The following ADAMTSL1 variants were observed in gnomAD, a reference collection of about 807,000 sequenced individuals.
ADAMTSL1 encodes ADAMTS like 1.
Under a neutral mutation model 201.8 loss-of-function variants are expected in ADAMTSL1, and 126 were observed. The observed-to-expected ratio is 0.62, with a 90% confidence interval of 0.54 to 0.72. ADAMTSL1 has a LOEUF of 0.72. ADAMTSL1 is among the 30% of genes least tolerant of loss of function. The probability of loss-of-function intolerance (pLI) is 0.00; values close to 1 mark genes in which losing one functional copy is unlikely to be tolerated. For synonymous variants in ADAMTSL1, 1,121 were observed against 903.4 expected (o/e 1.24, Z -4.32); for missense variants, 2,679 against 2,277.8 (o/e 1.18, Z -3.59).
At chr9:18,106,290 A>T (rs1339155279) in intron 1 of ADAMTSL1, among the ~76,000 whole-genome samples, 2 of 152,212 alleles carry the variant, frequency 1.3e-5, no homozygotes, top group African/African-American at 2.4e-5. Flanking sequence ...ATACAATGCT[A>T]AACTGGGATT....
intron 19 of ADAMTSL1, among the ~76,000 whole-genome samples, chr9:18,792,328 G>C (rs991940272): frequency 6.6e-6 from 1 of 152,180 alleles, no homozygotes; most frequent in Non-Finnish European, 1.5e-5. Flanking sequence ...ACTTCAACTG[G>C]ATTTTAGAAG....
At chr9:18,154,963 G>A (rs1310798482) in intron 1 of ADAMTSL1, among the ~76,000 whole-genome samples, 1 of 152,006 alleles carries the variant, frequency 6.6e-6, no homozygotes, top group East Asian at 1.9e-4. Context: ...CAGAGACAAG[G>A]CCATGGAGTG....
At chr9:18,504,748 T>G in intron 1 of ADAMTSL1, 81 bp from the exon 2 acceptor site, 1 of 1,602,032 alleles carries the variant, frequency 6.2e-7, no homozygotes, top group East Asian at 2.2e-5. Context: ...TACACACACG[T>G]ACAGGCCAGT....
intron 2 of ADAMTSL1, among the ~76,000 whole-genome samples, chr9:18,242,264 A>G (rs745721619): frequency 1.3e-5 from 2 of 152,156 alleles, no homozygotes; most frequent in Non-Finnish European, 2.9e-5. Flanking sequence ...TAAAAACCAC[A>G]TGATTGTCTC....
chr9:18,232,178 C>A (rs1830668067), intron 2 of ADAMTSL1, among the ~76,000 whole-genome samples: 1 of 152,186 alleles, frequency 6.6e-6, no homozygotes, highest in South Asian at 2.1e-4. Context: ...CTCACTCACT[C>A]TGCTCTAGCC....
intron 2 of ADAMTSL1, among the ~76,000 whole-genome samples, chr9:18,320,858 G>C (rs1834589278): frequency 6.6e-6 from 1 of 151,966 alleles, no homozygotes; most frequent in African/African-American, 2.4e-5. Flanking sequence ...TAAGCCGTTA[G>C]AAAAATTAAG....
At chr9:18,548,631 C>A (rs977370422) in intron 3 of ADAMTSL1, among the ~76,000 whole-genome samples, 8 of 151,956 alleles carry the variant, frequency 5.3e-5, no homozygotes, top group Non-Finnish European at 1.2e-4. Context: ...GTATTTCTCC[C>A]TAAGTGCAAT....
intron 1 of ADAMTSL1, among the ~76,000 whole-genome samples, chr9:17,940,183 T>G (rs1183962062): frequency 6.6e-6 from 1 of 152,148 alleles, no homozygotes; most frequent in African/African-American, 2.4e-5. Flanking sequence ...TGCTTTTGTT[T>G]GCATGTGTGT....
At chr9:18,085,655 CTGTG>C (rs1295843360) in intron 1 of ADAMTSL1, among the ~76,000 whole-genome samples, 1 of 144,284 alleles carries the variant, frequency 6.9e-6, no homozygotes, top group African/African-American at 2.7e-5. Flanking sequence ...TACATATACT[CTGTG>C]TGTGTGTATA....
rs117511132 is a variant in ADAMTSL1 at position 18,829,636 on chromosome 9, G to A, written c.4115-207G>A. ...CTTCTTACTGACCTTATTATTTCAG[G>A]CATCAAATACCTGTATTAAGTTTGA... On this transcript the variant is annotated intron_variant, in intron 22 of 28. Transcript: ENST00000380548. 8.2e-3 allele frequency among the ~76,000 whole-genome samples: 1,255 copies of A among 152,214 alleles called. 9 individuals are homozygous for A. The highest frequency in any genetic ancestry group is 0.029 in the East Asian group (150 of 5,182).
chr9:18,698,211 T>C (rs888674474), intron 13 of ADAMTSL1, among the ~76,000 whole-genome samples: 1 of 152,158 alleles, frequency 6.6e-6, no homozygotes, highest in African/African-American at 2.4e-5. Context: ...ACACTGATGG[T>C]ATTTGAAACT....
At chr9:17,978,096 T>C (rs1818527123) in intron 1 of ADAMTSL1, among the ~76,000 whole-genome samples, 1 of 152,120 alleles carries the variant, frequency 6.6e-6, no homozygotes, top group South Asian at 2.1e-4. Context: ...GTCCATTTTG[T>C]CTGATATAAG....
At chr9:18,516,131 C>T (rs1171071238) in intron 2 of ADAMTSL1, among the ~76,000 whole-genome samples, 1 of 150,404 alleles carries the variant, frequency 6.6e-6, no homozygotes, top group Non-Finnish European at 1.5e-5. Context: ...CCTAATGCTA[C>T]TTGCATAATT....
intron 15 of ADAMTSL1, among the ~76,000 whole-genome samples, chr9:18,724,511 C>G (rs1015256565): frequency 1.3e-5 from 2 of 152,136 alleles, no homozygotes; most frequent in East Asian, 1.9e-4. Context: ...CTGACTGTTC[C>G]AATTTGTGTG....
At chr9:18,385,035 C>G (rs1239656628) in intron 2 of ADAMTSL1, among the ~76,000 whole-genome samples, 1 of 152,170 alleles carries the variant, frequency 6.6e-6, no homozygotes, top group Non-Finnish European at 1.5e-5. Context: ...GTGCCAACTC[C>G]CTGGGGATGC....
intron 2 of ADAMTSL1, among the ~76,000 whole-genome samples, chr9:18,518,478 A>G (rs1416384327): frequency 6.6e-6 from 1 of 152,152 alleles, no homozygotes; most frequent in Non-Finnish European, 1.5e-5. Flanking sequence ...AAAGGACATG[A>G]TTTCATTCTT....
At chr9:17,996,210 T>A (rs1819374082) in intron 1 of ADAMTSL1, among the ~76,000 whole-genome samples, 1 of 151,972 alleles carries the variant, frequency 6.6e-6, no homozygotes, top group African/African-American at 2.4e-5. Flanking sequence ...TCATCTGTAG[T>A]TTTCTTCCAC....
intron 7 of ADAMTSL1, among the ~76,000 whole-genome samples, chr9:18,650,290 C>T (rs560304913): frequency 5.5e-4 from 84 of 152,328 alleles, no homozygotes; most frequent in African/African-American, 1.9e-3. Context: ...CAGGTGCCGT[C>T]TGTCACCCCT....
At chr9:18,157,750 G>A (rs1045653156) in intron 1 of ADAMTSL1, among the ~76,000 whole-genome samples, 2 of 152,000 alleles carry the variant, frequency 1.3e-5, no homozygotes, top group East Asian at 3.9e-4. Flanking sequence ...ATGTCAATGG[G>A]TTAAATATGG....
Sources: gnomAD v4.1 joint callset for allele counts (sites outside exome capture counted in the v4.1 genomes callset) on GRCh38, gnomAD v4.1.1 for gene constraint, MANE v1.5 for transcripts, NCBI Gene and HGNC (gene_info 2026-07-23, HGNC 2026-07-21) for gene names.